Variants in SYT2 observed in about 807,000 individuals in gnomAD.
SYT2 encodes the protein synaptotagmin 2, also known as synaptotagmin-2.
Under a neutral mutation model 39.9 loss-of-function variants are expected in SYT2, and 15 were observed. The observed-to-expected ratio is 0.38, with a 90% CI of 0.25 to 0.58. SYT2 has a LOEUF of 0.58. Among genes scored for constraint, SYT2 ranks in the 20% least tolerant of loss-of-function variants. SYT2 has a pLI of 0.70. For synonymous variants in SYT2, 181 were observed against 204.5 expected, an observed-to-expected ratio of 0.89 and a Z score of 0.98; for missense variants, 389 against 530.3, an observed-to-expected ratio of 0.73 and a Z score of 2.62.
intron 1 of SYT2, among the ~76,000 whole-genome samples, chr1:202,646,511 C>G (rs1005077626): frequency 6.6e-6 from 1 of 152,178 alleles, no homozygotes; most frequent in Non-Finnish European, 1.5e-5. Context: ...CCTACTGGCC[C>G]GGAGTAGGCA....
At chr1:202,682,717 G>A (rs1010265670) in intron 1 of SYT2, among the ~76,000 whole-genome samples, 4 of 152,092 alleles carry the variant, frequency 2.6e-5, no homozygotes, top group East Asian at 1.9e-4. Context: ...CGGAGCTAGC[G>A]TGGAGCTGAT....
In SYT2 at chr1:202,660,297, G is replaced by A. The variant is rs558311087; in HGVS notation, c.-18+49961C>T. Among the ~76,000 whole-genome samples, 7 of 152,332 alleles carry A rather than the reference G, an allele frequency of 4.6e-5. No individual in the cohort carries two copies. In the South Asian group the frequency reaches 1.2e-3, roughly 27 times the overall value. On this transcript the variant is annotated intron_variant, in intron 1 of 8. Coordinates refer to ENST00000367268, the MANE Select transcript of SYT2 (RefSeq NM_177402.5). ...TGACATGGGGCAAGTTCAATAACTT[G>A]TCAGAACCTCAGTTTCCTCATCTGT...
chr1:202,648,396 G>A lies in SYT2; in HGVS notation c.-17-42607C>T, dbSNP rs151126656. 1.3e-3 allele frequency among the ~76,000 whole-genome samples: 205 copies of A among 152,288 alleles called. 2 individuals are homozygous for A. The highest frequency in any genetic ancestry group is 4.7e-3 in the African/African-American group (194 of 41,554). On this transcript the variant is annotated intron_variant, in intron 1 of 8. Transcript: ENST00000367268. ...GGGATTTCACCATGTTGGCCAGGCTGGTCTCGAACTCCTGACCTCAAGCGA... is the reference window on the plus strand; with the variant it reads ...GGGATTTCACCATGTTGGCCAGGCTAGTCTCGAACTCCTGACCTCAAGCGA...
chr1:202,604,521 C>G lies in SYT2; in HGVS notation c.279G>C (p.Lys93Asn). The change falls in exon 3 of 9, where the codon AAG becomes AAC. Residue 93 changes from lysine to asparagine, a missense_variant. Lys to Asn is a moderately conservative substitution (Grantham distance 94). Transcript: ENST00000367268. ...TGCCTTTGCCCTTCTCCTTCTTGTT[C>G]TTCTTCTTCTTGCAGCAGCATTTCT... ...ICKKCCCKKK[K>N]NKKEKGKGMK... 3 of 1,612,362 alleles carry G rather than the reference C, an allele frequency of 1.9e-6. No homozygotes were observed. Among genetic ancestry groups the G allele is most frequent in the Non-Finnish European group, 2.5e-6 (3 of 1,178,772 alleles).
rs191630173 is a variant in SYT2 at position 202,623,078 on chromosome 1, T to C, written c.-17-17289A>G. ...CTCCATTTGATCCTTGGCTAACTCT[T>C]GTAGGGTGCAGGGATAGTAGCAGTG... On this transcript the variant is annotated intron_variant, in intron 1 of 8. Transcript: ENST00000367268. The surrounding 1 kb of genome is among the most constrained non-coding windows in gnomAD (Gnocchi z 4.2). Among the ~76,000 whole-genome samples the C allele has an allele frequency of 3.7e-3, 565 of 152,282 alleles. 2 individuals carry two copies. Among genetic ancestry groups the C allele is most frequent in the Admixed American group, 8.8e-3 (134 of 15,304 alleles).
chr1:202,622,061 C>G (rs558650839), intron 1 of SYT2, among the ~76,000 whole-genome samples: 2 of 152,214 alleles, frequency 1.3e-5, no homozygotes, highest in Admixed American at 1.3e-4. Context: ...TAATGGAGAG[C>G]TGACTGGATA....
intron 1 of SYT2, among the ~76,000 whole-genome samples, chr1:202,659,608 G>T (rs1273234066): frequency 6.6e-6 from 1 of 152,192 alleles, no homozygotes; most frequent in African/African-American, 2.4e-5. Context: ...CTCCGTCCTG[G>T]CTCTCAGGTG....
At position 202,599,835 on chromosome 1, in the gene SYT2, G is replaced by A. The variant is rs959362685; in HGVS notation, c.920-484C>T. ...ACGCGCTGGTTGGAGCCCATGCCCAGGGCTGATTCTCTGGGAAGGCAGCTG... is the reference window on the plus strand; with the variant it reads ...ACGCGCTGGTTGGAGCCCATGCCCAAGGCTGATTCTCTGGGAAGGCAGCTG... On this transcript the variant is annotated intron_variant, in intron 7 of 8. Coordinates refer to ENST00000367268, the MANE Select transcript of SYT2 (RefSeq NM_177402.5). This position sits in a 1 kb window ranked among gnomAD's most constrained non-coding sequence, Gnocchi z 4.4. Among the ~76,000 whole-genome samples the A allele has an allele frequency of 6.6e-6, 1 of 152,198 alleles. No homozygotes were observed. Among genetic ancestry groups the A allele is most frequent in the African/African-American group, 2.4e-5 (1 of 41,450 alleles).
Position 202,604,547 on chromosome 1 carries a change from T to G in SYT2, c.253A>C (p.Lys85Gln). Residue 85 changes from lysine to glutamine, a missense_variant, in exon 3 of 9, where the codon AAG becomes CAG. This residue lies in a region of SYT2 where 280 missense variants were observed against 335.6 expected (regional missense o/e 0.83). Transcript: ENST00000367268. ...LLLTCCFCIC[K>Q]KCCCKKKKNK... is the part of the protein sequence containing the mutation. ...TTCTTCTTCTTGCAGCAGCATTTCTTGCAGATGCAGAAGCAGCAGGTGAGA... is the reference window on the plus strand; with the variant it reads ...TTCTTCTTCTTGCAGCAGCATTTCTGGCAGATGCAGAAGCAGCAGGTGAGA... 1 of 1,614,184 alleles carries G rather than the reference T, an allele frequency of 6.2e-7. No homozygotes were observed. The highest frequency in any genetic ancestry group is 8.5e-7 in the Non-Finnish European group (1 of 1,180,048).
chr1:202,675,356 T>TTA (rs1040394519), intron 1 of SYT2, among the ~76,000 whole-genome samples: 6 of 148,670 alleles, frequency 4.0e-5, no homozygotes, highest in African/African-American at 1.5e-4. Context: ...CACTAAATAA[T>TTA]TATATATATA....
intron 1 of SYT2, among the ~76,000 whole-genome samples, chr1:202,666,861 G>A (rs112221889): frequency 0.015 from 2,303 of 152,188 alleles, 56 homozygotes; most frequent in African/African-American, 0.052. Context: ...AGGTGCCTGT[G>A]ATCCCAGGTA....
chr1:202,700,198 G>T (rs1654077574), intron 1 of SYT2, among the ~76,000 whole-genome samples: 1 of 152,138 alleles, frequency 6.6e-6, no homozygotes. Context: ...GGGGCTAGGT[G>T]CTCCCTGGGC....
At chr1:202,639,478 T>A (rs1691840106) in intron 1 of SYT2, 5 of 961,580 alleles carry the variant, frequency 5.2e-6, no homozygotes, top group Non-Finnish European at 6.2e-6. Flanking sequence ...GAGGGCTGGA[T>A]GAGATGATCC....
chr1:202,668,497 C>T (rs1489498250), intron 1 of SYT2, among the ~76,000 whole-genome samples: 1 of 152,108 alleles, frequency 6.6e-6, no homozygotes, highest in Non-Finnish European at 1.5e-5. Context: ...ATAAGATCCA[C>T]AGGGTTTAAA....
intron 1 of SYT2, among the ~76,000 whole-genome samples, chr1:202,606,598 A>G (rs2149073059): frequency 6.6e-6 from 1 of 152,126 alleles, no homozygotes; most frequent in Non-Finnish European, 1.5e-5. Context: ...CCTCTCCTGT[A>G]GGAAGACGGC....
intron 1 of SYT2, chr1:202,632,488 C>T (rs1691621336): frequency 2.2e-6 from 2 of 899,388 alleles, no homozygotes; most frequent in African/African-American, 3.6e-5. Context: ...GGAAGAAAGG[C>T]TGCGTAGCCA....
chr1:202,637,450 A>G (rs1378318498), intron 1 of SYT2, among the ~76,000 whole-genome samples: 2 of 152,254 alleles, frequency 1.3e-5, no homozygotes, highest in Non-Finnish European at 2.9e-5. Context: ...AGAAGTCCAC[A>G]TAAGTCCAGA....
chr1:202,688,551 C>T (rs1410836223), intron 1 of SYT2, among the ~76,000 whole-genome samples: 2 of 152,210 alleles, frequency 1.3e-5, no homozygotes, highest in East Asian at 3.9e-4. Flanking sequence ...AGGGATTTGG[C>T]TCTAAACCCA....
At chr1:202,637,614 G>A (rs1269007534) in intron 1 of SYT2, among the ~76,000 whole-genome samples, 2 of 152,114 alleles carry the variant, frequency 1.3e-5, no homozygotes, top group Non-Finnish European at 2.9e-5. Context: ...GGCAGGCTCC[G>A]TCTGCCCCAC....
Sources: allele counts gnomAD v4.1 joint callset (sites outside exome capture counted in the v4.1 genomes callset), GRCh38; gene constraint gnomAD v4.1.1; regional missense constraint gnomAD v4.1.1; non-coding constraint Gnocchi (gnomAD v3.1); transcripts MANE v1.5; gene names NCBI Gene and HGNC (gene_info 2026-07-23, HGNC 2026-07-21).